The following LRIG2 variants were observed in gnomAD, a reference collection of about 807,000 sequenced individuals.
LRIG2 encodes leucine-rich repeats and immunoglobulin-like domains protein 2.
A neutral mutation model predicts 107.8 loss-of-function variants in LRIG2; 93 were observed. The ratio of observed to expected loss-of-function variants is 0.86; its 90% CI spans 0.73 to 1.03. LRIG2 has a LOEUF of 1.03. LRIG2 is among the 50% of genes least tolerant of loss of function. The pLI, the probability that LRIG2 is intolerant of heterozygous loss-of-function variation, is 0.00. For missense variants in LRIG2, 1,226 were observed against 1,296.0 expected, an observed-to-expected ratio of 0.95 and a Z score of 0.83; for synonymous variants, 471 against 470.6, an observed-to-expected ratio of 1.00 and a Z score of -0.01.
intron 16 of LRIG2, among the ~76,000 whole-genome samples, chr1:113,117,422 A>G (rs1276310492): frequency 2.0e-5 from 3 of 152,210 alleles, no homozygotes; most frequent in South Asian, 2.1e-4. Flanking sequence ...CTGGGTGTCA[A>G]CAGAACTTTA....
Position 113,122,627 on chromosome 1 carries a change from G to A in LRIG2, c.2972-1248G>A, listed in dbSNP as rs952456716. Among the ~76,000 whole-genome samples the A allele has an allele frequency of 3.3e-5, 5 of 152,150 alleles. No homozygotes were observed. In the East Asian group the frequency reaches 7.7e-4, roughly 23 times the overall value. On this transcript the variant is annotated intron_variant, in intron 17 of 17. Coordinates refer to ENST00000361127, the MANE Select transcript of LRIG2 (RefSeq NM_014813.3). ...GATGCCTTCATTTTTAATCTGGTCC[G>A]TAAGTAAGGAAATCAGCAAATGAGA... is the stretch of plus-strand genomic sequence containing the variant.
chr1:113,119,473 A>G lies in LRIG2; in HGVS notation c.2921A>G (p.Asn974Ser), dbSNP rs1655154695. 6.2e-7 allele frequency: 1 copy of G among 1,614,050 alleles called. No homozygotes were observed. Among genetic ancestry groups the G allele is most frequent in the Non-Finnish European group, 8.5e-7 (1 of 1,179,994 alleles). ...ANREPSAFPT[N>S]HERISEKKLP... Reference sequence around the variant, plus strand: ...AGAGAGCCATCTGCCTTTCCCACCAACCATGAGAGGATAAGTGAGAAGAAA... The same window carrying G: ...AGAGAGCCATCTGCCTTTCCCACCAGCCATGAGAGGATAAGTGAGAAGAAA... Residue 974 changes from asparagine to serine, a missense_variant, in exon 17 of 18, where the codon AAC (asparagine) becomes AGC (serine). By Grantham distance (46) the Asn-to-Ser change is conservative. Around this residue, in one of 3 missense-constraint regions of LRIG2, gnomAD observed 642 missense variants for 712.2 expected, o/e 0.90. Transcript: ENST00000361127.
chr1:113,095,754 G>A (rs1228193591), intron 6 of LRIG2, 120 bp from the exon 7 acceptor site: 7 of 881,286 alleles, frequency 7.9e-6, no homozygotes, highest in Middle Eastern at 2.6e-4. Context: ...AATAGAATTG[G>A]TCAGCTCAGT....
intron 16 of LRIG2, 152 bp from the exon 17 acceptor site, chr1:113,119,081 T>C (rs901705825): frequency 3.0e-6 from 2 of 664,184 alleles, no homozygotes; most frequent in Non-Finnish European, 5.2e-6. Context: ...AATGAATCAA[T>C]TCACAGAAAT....
At chr1:113,090,791 T>G (rs967934270) in intron 1 of LRIG2, among the ~76,000 whole-genome samples, 1 of 151,200 alleles carries the variant, frequency 6.6e-6, no homozygotes, top group Non-Finnish European at 1.5e-5. Flanking sequence ...TGAGCCGAGA[T>G]TGCGCCACTG....
In LRIG2 at chr1:113,093,267, A is replaced by G. The variant is rs777480277; in HGVS notation, c.367A>G (p.Thr123Ala). 5.0e-6 allele frequency: 8 copies of G among 1,590,018 alleles called. No individual in the cohort carries two copies. Among genetic ancestry groups the G allele is most frequent in the Non-Finnish European group, 6.9e-6 (8 of 1,167,298 alleles). Residue 123 changes from threonine (T) to alanine (A), a missense_variant, in exon 3 of 18, where the codon ACT (threonine) becomes GCT (alanine). Physicochemically the swap from Thr to Ala is moderately conservative, Grantham distance 58. Transcript: ENST00000361127. ...PYFGEPTSNI[T>A]LLSLVHNIIP... ...TTTTGGAGAACCTACATCTAATATT[A>G]CTCTACTTTCATTGTAAGTTAGTAA...
At chr1:113,109,048 A>G (rs1280897017) in intron 12 of LRIG2, among the ~76,000 whole-genome samples, 1 of 152,226 alleles carries the variant, frequency 6.6e-6, no homozygotes, top group Non-Finnish European at 1.5e-5. Context: ...TTGGAACAGA[A>G]CACACACTTG....
At chr1:113,081,887 G>T (rs1216769) in intron 1 of LRIG2, among the ~76,000 whole-genome samples, 1 of 152,152 alleles carries the variant, frequency 6.6e-6, no homozygotes. Context: ...ATAATCTCAT[G>T]TAATAGAAAG....
At chr1:113,099,663 A>C (rs978675483) in intron 9 of LRIG2, among the ~76,000 whole-genome samples, 1 of 152,212 alleles carries the variant, frequency 6.6e-6, no homozygotes, top group Non-Finnish European at 1.5e-5. Context: ...AGTAAAAGGA[A>C]TGCATTGAGA....
Position 113,119,445 on chromosome 1 carries a change from A to C in LRIG2, c.2893A>C (p.Asn965His). ...TALESLIPSA[N>H]REPSAFPTNH... ...CCTAGAGAGCCTGATACCGTCAGCC[A>C]ACAGAGAGCCATCTGCCTTTCCCAC... The change falls in exon 17 of 18, where the codon AAC (asparagine) becomes CAC (histidine). Residue 965 changes from asparagine (N) to histidine (H), a missense_variant. By Grantham distance (68) the Asn-to-His change is moderately conservative (BLOSUM62 1). This residue lies in a region of LRIG2 where 642 missense variants were observed against 712.2 expected (regional missense o/e 0.90). Transcript: ENST00000361127. 6.2e-7 allele frequency: 1 copy of C among 1,614,180 alleles called. No individual in the cohort carries two copies. The highest frequency in any genetic ancestry group is 8.5e-7 in the Non-Finnish European group (1 of 1,180,038).
chr1:113,130,664 C>T lies in LRIG2; in HGVS notation c.*6563C>T, dbSNP rs1655675772. 6.6e-6 allele frequency: 1 copy of T among 152,144 alleles called. No homozygotes were observed. The highest frequency in any genetic ancestry group is 2.1e-4 in the South Asian group (1 of 4,834). The allele number at this position is 152,144 out of a possible 1,614,324, so 9.4% of individuals were successfully genotyped here. ...CCTTTAAGGTCTTTTTCACTTTTAT[C>T]ATTGGAAATCCCCAGAAGCAATCTG... On this transcript the variant is annotated 3_prime_UTR_variant, in exon 18 of 18. Transcript: ENST00000361127.
At chr1:113,113,211 CAA>C (rs11454182) in intron 14 of LRIG2, among the ~76,000 whole-genome samples, 4 of 136,708 alleles carry the variant, frequency 2.9e-5, no homozygotes, top group African/African-American at 5.4e-5. Flanking sequence ...AAATTTAATA[CAA>C]AAAAAAAAAA....
At chr1:113,120,581 G>A (rs1655207646) in intron 17 of LRIG2, among the ~76,000 whole-genome samples, 1 of 150,184 alleles carries the variant, frequency 6.7e-6, no homozygotes, top group Non-Finnish European at 1.5e-5. Context: ...TGCCATCTCG[G>A]CTTACCAGGA....
rs1257339746 is a variant in LRIG2, at chr1:113,114,892, A to G, written c.2530+16A>G. On this transcript the variant is annotated intron_variant, in intron 15 of 17. Transcript: ENST00000361127. Reference sequence around the variant, plus strand: ...ACAAACACAGGTAAGTAGTACCCACATGACACCTATGGCTTGTACTTCAGT... The same window carrying G: ...ACAAACACAGGTAAGTAGTACCCACGTGACACCTATGGCTTGTACTTCAGT... 2.6e-6 allele frequency: 4 copies of G among 1,567,844 alleles called. No individual in the cohort carries two copies. The highest frequency in any genetic ancestry group is 3.5e-6 in the Non-Finnish European group (4 of 1,152,682).
intron 1 of LRIG2, among the ~76,000 whole-genome samples, chr1:113,087,393 G>A (rs1653604916): frequency 6.6e-6 from 1 of 151,986 alleles, no homozygotes; most frequent in African/African-American, 2.4e-5. Flanking sequence ...CAGTCATCCA[G>A]GCTGGAGTGC....
At chr1:113,090,575 C>G (rs1027680065) in intron 1 of LRIG2, among the ~76,000 whole-genome samples, 1 of 151,328 alleles carries the variant, frequency 6.6e-6, no homozygotes, top group Non-Finnish European at 1.5e-5. Flanking sequence ...TGGTGTCTCA[C>G]GCCTGTATAC....
intron 13 of LRIG2, among the ~76,000 whole-genome samples, chr1:113,112,011 T>A (rs1189084286): frequency 6.6e-6 from 1 of 152,204 alleles, no homozygotes; most frequent in Non-Finnish European, 1.5e-5. Flanking sequence ...CAAAGAAGGT[T>A]TGTGGCCTTC....
At chr1:113,116,089 A>G (rs1381198499) in intron 15 of LRIG2, among the ~76,000 whole-genome samples, 198 bp from the exon 16 acceptor site, 1 of 152,352 alleles carries the variant, frequency 6.6e-6, no homozygotes, top group Non-Finnish European at 1.5e-5. Context: ...GTTTCTTTCA[A>G]TGAAACTTTT....
chr1:113,095,028 G>A (rs1030059082), intron 6 of LRIG2, among the ~76,000 whole-genome samples: 1 of 151,178 alleles, frequency 6.6e-6, no homozygotes, highest in African/African-American at 2.4e-5. Flanking sequence ...AGGCTGGAGT[G>A]CAATGGCGTG....
Sources: allele counts gnomAD v4.1 joint callset (sites outside exome capture counted in the v4.1 genomes callset), GRCh38; gene constraint gnomAD v4.1.1; regional missense constraint gnomAD v4.1.1; transcripts MANE v1.5; gene names NCBI Gene and HGNC (gene_info 2026-07-23, HGNC 2026-07-21).